The following PCDH15 variants were observed in gnomAD, a reference collection of about 807,000 sequenced individuals.
PCDH15 encodes protocadherin-15.
A neutral mutation model predicts 178.5 loss-of-function variants in PCDH15; 129 were observed. That is an observed-to-expected ratio of 0.72 (90% CI 0.63 to 0.84). The LOEUF (loss-of-function observed/expected upper bound fraction) is 0.84, where lower values mean the gene tolerates loss of function less well. PCDH15 is among the 40% of genes least tolerant of loss of function. PCDH15 has a pLI of 0.00. For missense variants in PCDH15, 2,230 were observed against 2,099.9 expected, an observed-to-expected ratio of 1.06 and a Z score of -1.21; for synonymous variants, 800 against 732.0, an observed-to-expected ratio of 1.09 and a Z score of -1.50.
intron 2 of PCDH15, among the ~76,000 whole-genome samples, chr10:54,950,053 T>G (rs1359858409): frequency 6.6e-6 from 1 of 152,034 alleles, no homozygotes; most frequent in Admixed American, 6.6e-5. Context: ...TCCACATTTT[T>G]GGATATCTTT....
At chr10:55,017,418 A>G (rs994661559) in intron 2 of PCDH15, among the ~76,000 whole-genome samples, 1 of 152,278 alleles carries the variant, frequency 6.6e-6, no homozygotes, top group African/African-American at 2.4e-5. Context: ...CCATCTATAT[A>G]TGTTGAGCAA....
chr10:55,119,040 C>T (rs1315379458), intron 2 of PCDH15, among the ~76,000 whole-genome samples: 1 of 152,180 alleles, frequency 6.6e-6, no homozygotes, highest in East Asian at 1.9e-4. Context: ...ATGGGCCCTG[C>T]ACCTGGCACG....
chr10:53,929,703 C>T (rs1484503617), intron 25 of PCDH15, among the ~76,000 whole-genome samples: 1 of 152,118 alleles, frequency 6.6e-6, no homozygotes, highest in African/African-American at 2.4e-5. Flanking sequence ...ACAGCTAAAA[C>T]ATAAAATGAA....
chr10:54,874,219 G>T (rs112642523), intron 3 of PCDH15, among the ~76,000 whole-genome samples: 5,704 of 120,456 alleles, frequency 0.047, 440 homozygotes, highest in African/African-American at 0.17. Context: ...GAGAATATGC[G>T]GTGTTTGGTT....
At chr10:54,995,272 A>C (rs931038628) in intron 2 of PCDH15, among the ~76,000 whole-genome samples, 1 of 151,714 alleles carries the variant, frequency 6.6e-6, no homozygotes, top group Non-Finnish European at 1.5e-5. Flanking sequence ...ACTACTCGGG[A>C]GGCTGAGGCA....
At chr10:55,503,659 A>G (rs1164851862) in intron 2 of PCDH15, among the ~76,000 whole-genome samples, 6 of 151,432 alleles carry the variant, frequency 4.0e-5, no homozygotes, top group Admixed American at 1.3e-4. Flanking sequence ...ATAATCAGAT[A>G]ATAAGCATAT....
At chr10:55,363,705 G>A (rs2131981312) in intron 2 of PCDH15, among the ~76,000 whole-genome samples, 1 of 151,974 alleles carries the variant, frequency 6.6e-6, no homozygotes, top group Middle Eastern at 3.4e-3. Flanking sequence ...GCGCGATATC[G>A]GCTCACTGCA....
At chr10:54,517,143 C>T (rs1433723842) in intron 3 of PCDH15, among the ~76,000 whole-genome samples, 4 of 152,176 alleles carry the variant, frequency 2.6e-5, no homozygotes, top group Non-Finnish European at 4.4e-5. Context: ...TAGGAAGAAA[C>T]TGCATGAACT....
At chr10:54,090,286 A>C (rs928033341) in intron 15 of PCDH15, among the ~76,000 whole-genome samples, 4 of 152,218 alleles carry the variant, frequency 2.6e-5, no homozygotes, top group African/African-American at 9.6e-5. Flanking sequence ...TCATTTTCCC[A>C]AGGTTTACTT....
chr10:55,509,905 C>T lies in PCDH15; in HGVS notation c.-156+117720G>A, dbSNP rs117738044. Among the ~76,000 whole-genome samples the T allele has an allele frequency of 1.1e-3, 166 of 151,914 alleles. 2 individuals are homozygous for T. Among genetic ancestry groups the T allele is most frequent in the Non-Finnish European group, 1.4e-3 (93 of 67,922 alleles). On this transcript the variant is annotated intron_variant, in intron 2 of 5. Transcript: ENST00000613346. The stretch of plus-strand genomic sequence containing the variant: ...GAAGGAACCTTGGAGACAATCTAAC[C>T]GTTTTATTCATGAAGAAATAGCTAA...
At chr10:54,146,922 GTATATATATATAA>G (rs200327489) in intron 14 of PCDH15, among the ~76,000 whole-genome samples, 3,118 of 81,204 alleles carry the variant, frequency 0.038, 57 homozygotes, top group East Asian at 0.26. Context: ...TATATATAGT[GTATATATATATAA>G]TGTATATATA....
chr10:54,872,102 T>C (rs1162599325), intron 3 of PCDH15, among the ~76,000 whole-genome samples: 2 of 152,050 alleles, frequency 1.3e-5, no homozygotes, highest in African/African-American at 2.4e-5. Flanking sequence ...TTTAAGTCCT[T>C]TATCTATTTT....
At chr10:54,738,795 A>T (rs923429685) in intron 1 of PCDH15, among the ~76,000 whole-genome samples, 1 of 152,116 alleles carries the variant, frequency 6.6e-6, no homozygotes, top group African/African-American at 2.4e-5. Flanking sequence ...TGATCATTTC[A>T]ATAGATGCTG....
intron 8 of PCDH15, among the ~76,000 whole-genome samples, chr10:54,298,637 C>T (rs2059946010): frequency 6.6e-6 from 1 of 152,232 alleles, no homozygotes; most frequent in African/African-American, 2.4e-5. Flanking sequence ...GGCCAGAAGC[C>T]CCCAACCAGA....
At position 55,229,212 on chromosome 10, in the gene PCDH15, A is replaced by G. The variant is rs896232183; in HGVS notation, c.-155-62561T>C. 2.6e-5 allele frequency among the ~76,000 whole-genome samples: 4 copies of G among 152,012 alleles called. No homozygotes were observed. The East Asian group carries it at 7.7e-4, about 29-fold the overall frequency. On this transcript the variant is annotated intron_variant, in intron 1 of 5. Transcript: ENST00000458638. ...GGGATAAGCACATGGCTCTTCTGAG[A>G]GTAAAAGATAATAAAATGTAAGGTA...
At chr10:55,569,691 G>T (rs1842370087) in intron 2 of PCDH15, among the ~76,000 whole-genome samples, 1 of 151,784 alleles carries the variant, frequency 6.6e-6, no homozygotes, top group South Asian at 2.1e-4. Flanking sequence ...TACTGAAAGT[G>T]GTCTTCGTTT....
rs963024984 is a variant in PCDH15, at chr10:54,884,575, A to G, written c.-29+12875T>C. The stretch of plus-strand genomic sequence containing the variant: ...TAGACATATTTAAGCCCTCAGGACC[A>G]GATTCTCAAGAGTATAAATCTTTTC... On this transcript the variant is annotated intron_variant, in intron 3 of 5. Coordinates refer to the PCDH15 transcript ENST00000458638. 3.3e-5 allele frequency among the ~76,000 whole-genome samples: 5 copies of G among 151,910 alleles called. No individual in the cohort carries two copies. The South Asian group carries it at 1.0e-3, about 32-fold the overall frequency.
chr10:54,655,767 C>A (rs562024318), intron 2 of PCDH15: 1 of 152,062 alleles, frequency 6.6e-6, no homozygotes, highest in Non-Finnish European at 1.5e-5. Context: ...TTTGGAGACA[C>A]AAGGATCCAC....
At chr10:55,186,904 T>C (rs2132141022) in intron 1 of PCDH15, among the ~76,000 whole-genome samples, 1 of 151,984 alleles carries the variant, frequency 6.6e-6, no homozygotes, top group East Asian at 1.9e-4. Context: ...TATAGAGTTA[T>C]GAAAGTCATT....
Sources: gnomAD v4.1 joint callset for allele counts (sites outside exome capture counted in the v4.1 genomes callset) on GRCh38, gnomAD v4.1.1 for gene constraint, MANE v1.5 for transcripts, NCBI Gene and HGNC (gene_info 2026-07-23, HGNC 2026-07-21) for gene names.